The following SGCD variants were observed in gnomAD, a reference collection of about 807,000 sequenced individuals.
SGCD encodes the protein delta-sarcoglycan.
SGCD carries 18 observed loss-of-function variants against 36.6 expected under a neutral mutation model. The ratio of observed to expected loss-of-function variants is 0.49; its 90% CI spans 0.34 to 0.73. SGCD has a LOEUF of 0.73. Ranked by LOEUF, SGCD falls within the 30% of genes least tolerant of loss-of-function variation. The pLI, the probability that SGCD is intolerant of heterozygous loss-of-function variation, is 0.01. For synonymous variants in SGCD, 133 were observed against 130.6 expected (o/e 1.02, Z -0.12); for missense variants, 387 against 346.7 (o/e 1.12, Z -0.92).
At chr5:156,113,434 C>A (rs929007529) in intron 1 of SGCD, among the ~76,000 whole-genome samples, 1 of 152,068 alleles carries the variant, frequency 6.6e-6, no homozygotes, top group Non-Finnish European at 1.5e-5. Flanking sequence ...AAATTCCTGA[C>A]CTCAGAGATC....
intron 1 of SGCD, among the ~76,000 whole-genome samples, chr5:155,919,078 T>TTCATACAAAGCCCCCGCACCAATAG (rs1756816583): frequency 6.6e-6 from 1 of 152,242 alleles, no homozygotes; most frequent in Non-Finnish European, 1.5e-5. Context: ...CTAGCCAGTT[T>TTCATACAAAGCCCCCGCACCAATAG]GAATTCCTTT....
intron 1 of SGCD, among the ~76,000 whole-genome samples, chr5:155,976,456 C>G (rs1372255088): frequency 6.6e-6 from 1 of 152,206 alleles, no homozygotes; most frequent in African/African-American, 2.4e-5. Flanking sequence ...ATAACTCTCT[C>G]CAGAACCAAA....
At chr5:156,671,421 C>T (rs934451520) in intron 7 of SGCD, among the ~76,000 whole-genome samples, 2 of 151,928 alleles carry the variant, frequency 1.3e-5, no homozygotes, top group Non-Finnish European at 2.9e-5. Context: ...TACAAGCTCA[C>T]ACCACTACAC....
intron 4 of SGCD, among the ~76,000 whole-genome samples, chr5:156,573,278 C>G: frequency 6.6e-6 from 1 of 152,158 alleles, no homozygotes; most frequent in East Asian, 1.9e-4. Flanking sequence ...TTCTGCATGA[C>G]CTGAAGATTA....
chr5:155,752,220 A>T, the SGCD span, among the ~76,000 whole-genome samples: 2 of 152,136 alleles, frequency 1.3e-5, no homozygotes, highest in Non-Finnish European at 2.9e-5. Context: ...ATGCTGCTAG[A>T]ATGATGTATT....
intron 3 of SGCD, among the ~76,000 whole-genome samples, chr5:156,309,136 C>T (rs1767318328): frequency 6.6e-6 from 1 of 152,110 alleles, no homozygotes; most frequent in East Asian, 1.9e-4. Flanking sequence ...TTGAGGTTAT[C>T]TCCTTGGGTT....
chr5:156,070,224 C>A (rs201200936), intron 1 of SGCD, among the ~76,000 whole-genome samples: 6 of 151,754 alleles, frequency 4.0e-5, no homozygotes, highest in Non-Finnish European at 5.9e-5. Context: ...TCAAAGGGAA[C>A]GCTTCCAGTT....
At chr5:156,384,597 C>A (rs916867803) in intron 3 of SGCD, among the ~76,000 whole-genome samples, 57 of 151,904 alleles carry the variant, frequency 3.8e-4, no homozygotes, top group Non-Finnish European at 4.4e-5. Context: ...AAGTTAAGTG[C>A]CAAGAGAGAA....
intron 7 of SGCD, among the ~76,000 whole-genome samples, chr5:156,751,832 G>C (rs1181794827): frequency 6.6e-6 from 1 of 152,224 alleles, no homozygotes; most frequent in Non-Finnish European, 1.5e-5. Context: ...TAGTGGGAAA[G>C]TCAGTTGGAG....
intron 1 of SGCD, among the ~76,000 whole-genome samples, chr5:156,106,795 C>A (rs974328133): frequency 5.3e-5 from 8 of 152,126 alleles, no homozygotes; most frequent in Non-Finnish European, 1.0e-4. Context: ...CAGAGTTAAT[C>A]CCCTTTCAGT....
intron 3 of SGCD, among the ~76,000 whole-genome samples, chr5:156,219,108 C>G (rs1329607737): frequency 6.6e-6 from 1 of 152,178 alleles, no homozygotes; most frequent in Non-Finnish European, 1.5e-5. Flanking sequence ...TGTACCGCTA[C>G]TCAGTTGAGA....
chr5:156,171,656 G>A (rs1313049771), intron 3 of SGCD, among the ~76,000 whole-genome samples: 1 of 152,142 alleles, frequency 6.6e-6, no homozygotes, highest in African/African-American at 2.4e-5. Context: ...AAGAAAGTGT[G>A]TAATAGGCAT....
rs545940451 is a variant in SGCD at position 156,367,442 on chromosome 5, T to A, written c.192+22765T>A. Among the ~76,000 whole-genome samples, 22 of 152,316 alleles carry A rather than the reference T, an allele frequency of 1.4e-4. No homozygotes were observed. In the South Asian group the frequency reaches 4.6e-3, roughly 32 times the overall value. On this transcript the variant is annotated intron_variant, in intron 3 of 8. Coordinates refer to ENST00000337851, the MANE Select transcript of SGCD (RefSeq NM_000337.6). ...ACCTTGAGAGGAAAGGGTAGGAAAT[T>A]GTTATTCAAAAATAATAGGCAGAAA...
chr5:155,855,211 C>A, the SGCD span, among the ~76,000 whole-genome samples: 2 of 152,232 alleles, frequency 1.3e-5, no homozygotes, highest in East Asian at 1.9e-4. Flanking sequence ...AAAATCAGCA[C>A]CCCCCTCGGC....
At chr5:156,707,538 G>T (rs1253149249) in intron 7 of SGCD, among the ~76,000 whole-genome samples, 1 of 152,042 alleles carries the variant, frequency 6.6e-6, no homozygotes, top group African/African-American at 2.4e-5. Context: ...TCAAATGAAG[G>T]ATACAAGAAA....
intron 3 of SGCD, among the ~76,000 whole-genome samples, chr5:156,401,511 C>A (rs74760355): frequency 0.011 from 1,626 of 152,236 alleles, 33 homozygotes; most frequent in African/African-American, 0.037. Context: ...AGCTGCCATG[C>A]AGTTAAGAGA....
chr5:156,475,770 A>T (rs1302316702), intron 3 of SGCD, among the ~76,000 whole-genome samples: 1 of 152,176 alleles, frequency 6.6e-6, no homozygotes, highest in African/African-American at 2.4e-5. Context: ...AACTCAGCAC[A>T]TTACAAGGAA....
chr5:156,588,249 T>C (rs1025436560), intron 4 of SGCD, among the ~76,000 whole-genome samples: 1 of 152,080 alleles, frequency 6.6e-6, no homozygotes, highest in Non-Finnish European at 1.5e-5. Context: ...AGAATGGTTT[T>C]CATGTTTTTA....
rs568117208 is a variant in SGCD at position 156,032,939 on chromosome 5, T to C, written c.-281-84939T>C. Among the ~76,000 whole-genome samples the C allele has an allele frequency of 3.3e-5, 5 of 151,676 alleles. No homozygotes were observed. In the East Asian group the frequency reaches 9.8e-4, roughly 30 times the overall value. The stretch of plus-strand genomic sequence containing the variant: ...TTAAAATAAAAACATTAGCCAGGTA[T>C]AGTGGCACACACCTGTGATCCCAGT... On this transcript the variant is annotated intron_variant, in intron 1 of 9. Coordinates refer to the SGCD transcript ENST00000517913.
Sources: allele counts gnomAD v4.1 joint callset (sites outside exome capture counted in the v4.1 genomes callset), GRCh38; gene constraint gnomAD v4.1.1; transcripts MANE v1.5; gene names NCBI Gene and HGNC (gene_info 2026-07-23, HGNC 2026-07-21).